EGFR: variants seen among roughly 807,000 people sequenced by gnomAD.
The protein encoded by EGFR is avian erythroblastic leukemia viral (v-erb-b) oncogene homolog.
EGFR carries 58 observed loss-of-function variants against 143.0 expected under a neutral mutation model. The observed-to-expected ratio is 0.41, with a 90% CI of 0.33 to 0.50. EGFR has a LOEUF of 0.50. EGFR is among the 20% of genes least tolerant of loss of function. The probability of loss-of-function intolerance (pLI) is 0.39; values close to 1 mark genes in which losing one functional copy is unlikely to be tolerated. For synonymous variants in EGFR, 613 were observed against 594.4 expected (o/e 1.03, Z -0.45); for missense variants, 1,307 against 1,579.0 (o/e 0.83, Z 2.92).
intron 1 of EGFR, among the ~76,000 whole-genome samples, chr7:55,117,554 G>C (rs1282971272): frequency 6.6e-6 from 1 of 152,190 alleles, no homozygotes; most frequent in African/African-American, 2.4e-5. Context: ...AAACCACCTG[G>C]AATGATGGGA....
chr7:55,205,892 A>T lies in EGFR; in HGVS notation c.*275A>T. ...GCAGAAATTTATCTTTCAAAGAGGT[A>T]TATTTGAAAAAAAAAAAAAGTATAT... On this transcript the variant is annotated 3_prime_UTR_variant, in exon 28 of 28. Coordinates refer to ENST00000275493, the MANE Select transcript of EGFR (RefSeq NM_005228.5). The T allele has an allele frequency of 2.1e-6, 1 of 471,366 alleles. No homozygotes were observed. Among genetic ancestry groups the T allele is most frequent in the Non-Finnish European group, 3.7e-6 (1 of 272,850 alleles). 29.2% of individuals were successfully genotyped at this position (471,366 alleles called of 1,614,324 possible). A position where few individuals can be genotyped will look rare whatever the true frequency, so the allele number is the denominator to read the frequency against.
chr7:55,033,521 A>G (rs1340011336), intron 1 of EGFR, among the ~76,000 whole-genome samples: 2 of 152,118 alleles, frequency 1.3e-5, no homozygotes, highest in African/African-American at 4.8e-5. Flanking sequence ...TGCTTATTTC[A>G]TAGGGTCGCA....
At chr7:55,155,744 C>T in intron 7 of EGFR, 86 bp from the exon 8 acceptor site, 2 of 979,650 alleles carry the variant, frequency 2.0e-6, no homozygotes, top group Non-Finnish European at 3.3e-6. Context: ...CTTTCCATCA[C>T]CCCTCAAGAG....
chr7:55,180,461 G>T (rs1786808379), intron 19 of EGFR: 1 of 152,298 alleles, frequency 6.6e-6, no homozygotes, highest in Non-Finnish European at 1.5e-5. Context: ...CCCCTGCCTT[G>T]GCAGCCAGCC....
At chr7:55,179,348 G>T (rs545790164) in intron 19 of EGFR, among the ~76,000 whole-genome samples, 1 of 152,362 alleles carries the variant, frequency 6.6e-6, no homozygotes, top group South Asian at 2.1e-4. Flanking sequence ...AGAATGTGTG[G>T]CTCTAAAAGG....
At chr7:55,093,503 T>C (rs1158682416) in intron 1 of EGFR, among the ~76,000 whole-genome samples, 2 of 152,156 alleles carry the variant, frequency 1.3e-5, no homozygotes, top group African/African-American at 2.4e-5. Context: ...TCGCCCCGCG[T>C]CTCAGTCCTC....
rs370810719 is a variant in EGFR at position 55,163,822 on chromosome 7, G to A, written c.1721G>A (p.Arg574Gln). The A allele has an allele frequency of 1.4e-5, 23 of 1,614,176 alleles. No individual in the cohort carries two copies. The highest frequency in any genetic ancestry group is 1.8e-5 in the Non-Finnish European group (21 of 1,180,016). Residue 574 changes from arginine to glutamine, a missense_variant and splice_region_variant, in exon 14 of 28, where the codon CGG becomes CAG. By Grantham distance (43) the Arg-to-Gln change is conservative (BLOSUM62 1). Around this residue, in one of 7 missense-constraint regions of EGFR, gnomAD observed 250 missense variants for 295.1 expected, o/e 0.85. Coordinates refer to ENST00000275493, the MANE Select transcript of EGFR (RefSeq NM_005228.5). ...PQAMNITCTG[R>Q]GPDNCIQCAH... The stretch of plus-strand genomic sequence containing the variant: ...GCCATGAACATCACCTGCACAGGAC[G>A]GGTAAGAGCCCCTTGCTGCTATCCA...
chr7:55,087,264 C>G (rs1202387696), intron 1 of EGFR, among the ~76,000 whole-genome samples: 1 of 83,366 alleles, frequency 1.2e-5, no homozygotes, highest in African/African-American at 5.5e-5. Context: ...TAAGTAGTTT[C>G]TCAATTGTTA....
At chr7:55,058,571 A>G (rs1224011255) in intron 1 of EGFR, among the ~76,000 whole-genome samples, 1 of 152,196 alleles carries the variant, frequency 6.6e-6, no homozygotes, top group East Asian at 1.9e-4. Context: ...CATGGATGGA[A>G]CTGCAGGTCA....
intron 19 of EGFR, among the ~76,000 whole-genome samples, chr7:55,176,582 G>A (rs922832237): frequency 2.0e-5 from 3 of 152,044 alleles, no homozygotes; most frequent in African/African-American, 7.2e-5. Flanking sequence ...AGCTGGGTGT[G>A]GTGTCTCATG....
chr7:55,023,720 T>C (rs1786717966), intron 1 of EGFR, among the ~76,000 whole-genome samples: 6 of 152,192 alleles, frequency 3.9e-5, no homozygotes, highest in Admixed American at 2.6e-4. Flanking sequence ...TTATCACTTA[T>C]GGACATTTGA....
At chr7:55,161,257 C>A (rs1005453667) in intron 12 of EGFR, among the ~76,000 whole-genome samples, 3 of 152,234 alleles carry the variant, frequency 2.0e-5, no homozygotes, top group African/African-American at 7.2e-5. Context: ...AGGAGGAAGA[C>A]CTGTCCTCCA....
At chr7:55,074,063 G>A (rs569510172) in intron 1 of EGFR, among the ~76,000 whole-genome samples, 9 of 152,338 alleles carry the variant, frequency 5.9e-5, no homozygotes, top group South Asian at 2.1e-4. Context: ...TGTCAGGGGC[G>A]GTCTCAACGG....
intron 10 of EGFR, among the ~76,000 whole-genome samples, chr7:55,157,423 G>C (rs1785481197): frequency 1.3e-5 from 2 of 152,246 alleles, no homozygotes; most frequent in South Asian, 2.1e-4. Context: ...ACAGCCAGGG[G>C]GGCGGCGGGA....
intron 1 of EGFR, among the ~76,000 whole-genome samples, chr7:55,026,427 G>T (rs574148731): frequency 6.6e-6 from 1 of 152,190 alleles, no homozygotes; most frequent in African/African-American, 2.4e-5. Context: ...CAGGAGCATC[G>T]CCATCTTGGA....
At chr7:55,059,888 C>T (rs1403050989) in intron 1 of EGFR, among the ~76,000 whole-genome samples, 1 of 152,032 alleles carries the variant, frequency 6.6e-6, no homozygotes, top group East Asian at 1.9e-4. Context: ...AGATACTGGA[C>T]ATGTTCTGAC....
At position 55,210,392 on chromosome 7, in the gene EGFR, G is replaced by A. The variant is rs950768623; in HGVS notation, c.*4775G>A. On this transcript the variant is annotated 3_prime_UTR_variant, in exon 28 of 28. Coordinates refer to ENST00000275493, the MANE Select transcript of EGFR (RefSeq NM_005228.5). ...GAAGTTATTCAGCCCTGGCTGCAGT[G>A]ACATCACCTGAGGAGCTTTTAAAAG... 2.0e-5 allele frequency: 3 copies of A among 152,222 alleles called. No homozygotes were observed. Among genetic ancestry groups the A allele is most frequent in the African/African-American group, 7.2e-5 (3 of 41,444 alleles). 9.4% of individuals were successfully genotyped at this position (152,222 alleles called of 1,614,324 possible). A position where few individuals can be genotyped will look rare whatever the true frequency, so the allele number is the denominator to read the frequency against.
chr7:55,019,435 C>A, intron 1 of EGFR, 70 bp downstream of exon 1: 4 of 1,023,722 alleles, frequency 3.9e-6, no homozygotes, highest in South Asian at 8.5e-5. Context: ...CCCGCCCAAC[C>A]GCGCACCGGC....
chr7:55,067,576 G>A (rs750619823), intron 1 of EGFR, among the ~76,000 whole-genome samples: 1 of 151,536 alleles, frequency 6.6e-6, no homozygotes, highest in African/African-American at 2.4e-5. Flanking sequence ...TTAAGTGTAC[G>A]GTTCAGTAGT....
Sources: allele counts gnomAD v4.1 joint callset (sites outside exome capture counted in the v4.1 genomes callset), GRCh38; gene constraint gnomAD v4.1.1; regional missense constraint gnomAD v4.1.1; transcripts MANE v1.5; gene names NCBI Gene and HGNC (gene_info 2026-07-23, HGNC 2026-07-21).